The following FMN1 variants were observed in gnomAD, a reference collection of about 807,000 sequenced individuals.
The protein encoded by FMN1 is formin 1.
A neutral mutation model predicts 132.4 loss-of-function variants in FMN1; 110 were observed. The ratio of observed to expected loss-of-function variants is 0.83; its 90% CI spans 0.71 to 0.97. The LOEUF is 0.97. FMN1 is among the 50% of genes least tolerant of loss of function. The pLI is 0.00. For synonymous variants in FMN1, 722 were observed against 651.7 expected (o/e 1.11, Z -1.64); for missense variants, 1,792 against 1,705.3 (o/e 1.05, Z -0.90).
At chr15:32,920,600 C>T (rs926052914) in intron 10 of FMN1, among the ~76,000 whole-genome samples, 21 of 152,152 alleles carry the variant, frequency 1.4e-4, no homozygotes, top group African/African-American at 4.6e-4. Flanking sequence ...AGATGCTCAC[C>T]GAACACTTTA....
intron 15 of FMN1, among the ~76,000 whole-genome samples, chr15:32,895,452 T>C (rs2060130515): frequency 6.6e-6 from 1 of 152,190 alleles, no homozygotes; most frequent in South Asian, 2.1e-4. Flanking sequence ...AACAGCTTTA[T>C]GGGCAAACAG....
chr15:33,166,810 A>C (rs1305362445), intron 3 of FMN1, among the ~76,000 whole-genome samples: 2 of 152,086 alleles, frequency 1.3e-5, no homozygotes, highest in African/African-American at 4.8e-5. Flanking sequence ...GTGACCATAT[A>C]TATAGACTGC....
intron 5 of FMN1, among the ~76,000 whole-genome samples, chr15:33,069,220 C>A (rs1186035575): frequency 1.3e-5 from 2 of 152,318 alleles, no homozygotes; most frequent in African/African-American, 4.8e-5. Flanking sequence ...TGCTGGGAAA[C>A]TGGCAACAAA....
rs187732710 is a variant in FMN1 at position 33,046,546 on chromosome 15, C to A, written c.2161+18411G>T. On this transcript the variant is annotated intron_variant, in intron 6 of 20. Coordinates refer to ENST00000616417, the MANE Select transcript of FMN1 (RefSeq NM_001277313.2). ...AGAAAGAAAAATGCTAATTTGGTTA[C>A]TCTATGCAACCCCTTGGTCAGCAAC... Among the ~76,000 whole-genome samples, 19 of 152,308 alleles carry A rather than the reference C, an allele frequency of 1.2e-4. No individual in the cohort carries two copies. In the East Asian group the frequency reaches 2.1e-3, roughly 17 times the overall value.
chr15:33,088,064 G>T (rs1178238323), intron 5 of FMN1, among the ~76,000 whole-genome samples: 1 of 152,096 alleles, frequency 6.6e-6, no homozygotes, highest in Non-Finnish European at 1.5e-5. Flanking sequence ...TGAGGGAAAG[G>T]GTTGGGGGAA....
At chr15:33,023,218 C>A (rs1294860344) in intron 6 of FMN1, among the ~76,000 whole-genome samples, 1 of 150,492 alleles carries the variant, frequency 6.6e-6, no homozygotes, top group African/African-American at 2.4e-5. Context: ...CCTGGTAAGA[C>A]AACTGCAAAA....
intron 7 of FMN1, among the ~76,000 whole-genome samples, chr15:32,997,888 G>C (rs1361896245): frequency 6.6e-6 from 1 of 152,182 alleles, no homozygotes; most frequent in Non-Finnish European, 1.5e-5. Flanking sequence ...GAAAAGAAAA[G>C]ACACAAATGT....
At chr15:32,904,665 C>A (rs775661791) in intron 12 of FMN1, among the ~76,000 whole-genome samples, 1 of 151,988 alleles carries the variant, frequency 6.6e-6, no homozygotes, top group Non-Finnish European at 1.5e-5. Context: ...GCAGTTTTGG[C>A]GTGGATATTG....
intron 17 of FMN1, among the ~76,000 whole-genome samples, chr15:32,842,270 A>G (rs2058761516): frequency 6.6e-6 from 1 of 152,140 alleles, no homozygotes; most frequent in Non-Finnish European, 1.5e-5. Flanking sequence ...GAGTGACTGC[A>G]CGGGCTCTCA....
intron 5 of FMN1, among the ~76,000 whole-genome samples, chr15:33,072,922 C>CAA (rs200705106): frequency 1.1e-3 from 92 of 87,088 alleles, no homozygotes; most frequent in East Asian, 4.8e-3. Flanking sequence ...GACTCCATCT[C>CAA]AAAAAAAAAA....
chr15:32,851,700 T>C (rs563630141), intron 17 of FMN1, among the ~76,000 whole-genome samples: 44 of 152,258 alleles, frequency 2.9e-4, no homozygotes, highest in Admixed American at 1.1e-3. Flanking sequence ...CAAATAACAC[T>C]ATATAAGGAC....
intron 10 of FMN1, among the ~76,000 whole-genome samples, chr15:32,916,035 C>T (rs1401970187): frequency 6.6e-6 from 1 of 152,142 alleles, no homozygotes; most frequent in Non-Finnish European, 1.5e-5. Context: ...TGCTCTGTAC[C>T]ACAAGAATTA....
At chr15:32,801,636 C>CA (rs896122849) in intron 18 of FMN1, among the ~76,000 whole-genome samples, 5 of 145,766 alleles carry the variant, frequency 3.4e-5, no homozygotes, top group Admixed American at 6.7e-5. Context: ...AACAAACAAA[C>CA]AAAAAAAAAT....
intron 12 of FMN1, among the ~76,000 whole-genome samples, chr15:32,903,486 T>G (rs1171795029): frequency 1.3e-5 from 2 of 152,186 alleles, no homozygotes. Flanking sequence ...GAAGACGTAT[T>G]TATTCAGATG....
At chr15:33,032,594 T>C (rs549561931) in intron 6 of FMN1, among the ~76,000 whole-genome samples, 3 of 152,214 alleles carry the variant, frequency 2.0e-5, no homozygotes, top group Non-Finnish European at 4.4e-5. Context: ...AACCATCATA[T>C]GTAGAGGACC....
intron 19 of FMN1, among the ~76,000 whole-genome samples, chr15:32,798,292 G>C (rs1004038690): frequency 6.6e-6 from 1 of 152,016 alleles, no homozygotes; most frequent in Non-Finnish European, 1.5e-5. Context: ...GAGGCTGAGC[G>C]GCACGCAGTT....
At chr15:33,138,981 G>A (rs1052500677) in intron 4 of FMN1, among the ~76,000 whole-genome samples, 2 of 152,110 alleles carry the variant, frequency 1.3e-5, no homozygotes, top group African/African-American at 4.8e-5. Context: ...GACTAGGAGA[G>A]GATGAGAGGC....
At chr15:32,776,682 A>C (rs1033839413) in intron 20 of FMN1, among the ~76,000 whole-genome samples, 153 bp downstream of exon 20, 2 of 146,022 alleles carry the variant, frequency 1.4e-5, no homozygotes, top group Admixed American at 6.9e-5. Context: ...CTCCACCCAC[A>C]CATACTTTTT....
intron 7 of FMN1, among the ~76,000 whole-genome samples, chr15:32,998,562 G>A (rs1320510213): frequency 6.6e-6 from 1 of 152,096 alleles, no homozygotes; most frequent in East Asian, 1.9e-4. Context: ...GAGTGAGGCA[G>A]GACAAGTCTG....
Sources: allele counts gnomAD v4.1 joint callset (sites outside exome capture counted in the v4.1 genomes callset), GRCh38; gene constraint gnomAD v4.1.1; transcripts MANE v1.5; gene names NCBI Gene and HGNC (gene_info 2026-07-23, HGNC 2026-07-21).